The following FRYL variants were observed in gnomAD, a reference collection of about 807,000 sequenced individuals.
FRYL encodes the protein FRY like transcription coactivator.
In FRYL, 150 loss-of-function variants were observed where a neutral mutation model predicts 351.2. That is an observed-to-expected ratio of 0.43 (90% CI 0.37 to 0.49). The LOEUF is 0.49. FRYL is among the 20% of genes least tolerant of loss of function. The pLI, the probability that FRYL is intolerant of heterozygous loss-of-function variation, is 0.00. For synonymous variants in FRYL, 1,153 were observed against 1,257.1 expected (o/e 0.92, Z 1.75); for missense variants, 3,036 against 3,619.3 (o/e 0.84, Z 4.13).
Position 48,620,641 on chromosome 4 carries a change from C to G in FRYL, c.312G>C (p.Lys104Asn), listed in dbSNP as rs1208515892. The G allele has an allele frequency of 6.2e-7, 1 of 1,612,412 alleles. No homozygotes were observed. ...EYRPRSSTKS[K>N]GDEQQRERDY... is the part of the protein sequence containing the mutation. ...ACAGTGTAAAATAAAGCACTTACCC[C>G]TTAGACTTTGTGCTAGACCGAGGCC... The change falls in exon 6 of 64, where the codon AAG becomes AAC. Residue 104 changes from lysine (K) to asparagine (N), a missense_variant and splice_region_variant. Lys to Asn is a moderately conservative substitution (Grantham distance 94). This residue lies in a region of FRYL where 457 missense variants were observed against 566.6 expected (regional missense o/e 0.81). Transcript: ENST00000358350.
At chr4:48,741,534 T>C (rs1772070634) in intron 1 of FRYL, among the ~76,000 whole-genome samples, 1 of 151,918 alleles carries the variant, frequency 6.6e-6, no homozygotes, top group Non-Finnish European at 1.5e-5. Context: ...AGAGGGATTC[T>C]GTCTGAAAAA....
intron 7 of FRYL, among the ~76,000 whole-genome samples, chr4:48,610,723 A>G (rs1560710934): frequency 7.4e-6 from 1 of 134,304 alleles, no homozygotes. Context: ...TTATATACAT[A>G]TATTATATAC....
At chr4:48,635,979 C>CCA (rs1335848251) in intron 3 of FRYL, among the ~76,000 whole-genome samples, 1 of 152,082 alleles carries the variant, frequency 6.6e-6, no homozygotes, top group Non-Finnish European at 1.5e-5. Flanking sequence ...ACTTGCTCTA[C>CCA]CACACATAGG....
At chr4:48,778,846 C>T (rs1206101643) in intron 1 of FRYL, among the ~76,000 whole-genome samples, 1 of 151,980 alleles carries the variant, frequency 6.6e-6, no homozygotes, top group Non-Finnish European at 1.5e-5. Flanking sequence ...CCCAATCCGA[C>T]AGACCCTGGC....
intron 7 of FRYL, among the ~76,000 whole-genome samples, chr4:48,610,683 T>C (rs1747926566): frequency 6.8e-6 from 1 of 146,308 alleles, no homozygotes; most frequent in Non-Finnish European, 1.5e-5. Context: ...TTATATTATA[T>C]ATTATATACA....
chr4:48,701,475 G>A (rs1259829750), intron 2 of FRYL, among the ~76,000 whole-genome samples: 1 of 152,082 alleles, frequency 6.6e-6, no homozygotes, highest in East Asian at 1.9e-4. Flanking sequence ...GAAAAAGAAG[G>A]GAGTGAAGGA....
intron 3 of FRYL, among the ~76,000 whole-genome samples, chr4:48,675,724 C>T (rs1471303912): frequency 6.6e-6 from 1 of 152,214 alleles, no homozygotes; most frequent in African/African-American, 2.4e-5. Context: ...CTGAGGAGTG[C>T]GAGTGCACAG....
chr4:48,705,971 G>A (rs909581561), intron 2 of FRYL, among the ~76,000 whole-genome samples: 6 of 152,086 alleles, frequency 3.9e-5, no homozygotes, highest in African/African-American at 1.2e-4. Flanking sequence ...TGAGTAGCTG[G>A]AACTACAGGC....
intron 18 of FRYL, among the ~76,000 whole-genome samples, chr4:48,588,666 T>A (rs780206029): frequency 1.3e-5 from 2 of 152,218 alleles, no homozygotes; most frequent in African/African-American, 4.8e-5. Flanking sequence ...AAAAAAGGCA[T>A]TGGCCCATGG....
At chr4:48,766,088 A>T (rs1426516736) in intron 1 of FRYL, among the ~76,000 whole-genome samples, 4 of 152,218 alleles carry the variant, frequency 2.6e-5, no homozygotes, top group Admixed American at 6.5e-5. Context: ...TCAAAAAATT[A>T]AAAATATAAC....
At chr4:48,709,956 T>C (rs1343800813) in intron 2 of FRYL, among the ~76,000 whole-genome samples, 1 of 152,152 alleles carries the variant, frequency 6.6e-6, no homozygotes, top group Non-Finnish European at 1.5e-5. Flanking sequence ...CTTTTAAAGG[T>C]CTCCCATTTC....
chr4:48,621,245 T>A (rs1202384226), intron 5 of FRYL, among the ~76,000 whole-genome samples: 1 of 152,228 alleles, frequency 6.6e-6, no homozygotes, highest in East Asian at 1.9e-4. Flanking sequence ...TCCAATTTAC[T>A]ATGCTATGAC....
At chr4:48,703,306 C>G (rs1766966829) in intron 2 of FRYL, among the ~76,000 whole-genome samples, 1 of 152,140 alleles carries the variant, frequency 6.6e-6, no homozygotes, top group Admixed American at 6.5e-5. Context: ...TGAATTAGAA[C>G]TGAAAGAATT....
At position 48,536,802 on chromosome 4, in the gene FRYL, T is replaced by C. The variant is rs1006023236; in HGVS notation, c.6394-975A>G. Among the ~76,000 whole-genome samples the C allele has an allele frequency of 3.9e-5, 6 of 152,230 alleles. No homozygotes were observed. In the East Asian group the frequency reaches 9.6e-4, roughly 24 times the overall value. ...GGTAAAGAAACTGTCCTTTTAAATATATACATCTTCAACTTTCAAATGAAT... is the reference window on the plus strand; with the variant it reads ...GGTAAAGAAACTGTCCTTTTAAATACATACATCTTCAACTTTCAAATGAAT... On this transcript the variant is annotated intron_variant, in intron 47 of 63. Coordinates refer to ENST00000358350, the MANE Select transcript of FRYL (RefSeq NM_015030.2).
chr4:48,626,981 T>C (rs1186664202), intron 4 of FRYL, among the ~76,000 whole-genome samples: 1 of 152,148 alleles, frequency 6.6e-6, no homozygotes, highest in Non-Finnish European at 1.5e-5. Context: ...GGGTTAAGCA[T>C]ATTTGGTCAA....
chr4:48,655,881 GTATATAATGTATAATTCTATGTACATTA>G (rs2149448770), intron 3 of FRYL, among the ~76,000 whole-genome samples: 1 of 137,960 alleles, frequency 7.2e-6, no homozygotes, highest in African/African-American at 2.6e-5. Flanking sequence ...ACACATACAT[GTATATAATGTATAATTCTATGTACATTA>G]TATATAATGT....
At chr4:48,706,752 C>T (rs1767404740) in intron 2 of FRYL, among the ~76,000 whole-genome samples, 1 of 151,964 alleles carries the variant, frequency 6.6e-6, no homozygotes, top group Non-Finnish European at 1.5e-5. Context: ...TCTTGGATGC[C>T]CTCTCTCCCT....
intron 1 of FRYL, among the ~76,000 whole-genome samples, chr4:48,776,718 T>C (rs1428758553): frequency 6.6e-6 from 1 of 152,232 alleles, no homozygotes; most frequent in Non-Finnish European, 1.5e-5. Context: ...CCTGTCACTA[T>C]GTAACAATAG....
chr4:48,725,538 G>A (rs1769980420), intron 1 of FRYL, among the ~76,000 whole-genome samples: 1 of 152,134 alleles, frequency 6.6e-6, no homozygotes, highest in Admixed American at 6.5e-5. Context: ...GTTTTAAATA[G>A]CACATCATTC....
Sources: gnomAD v4.1 joint callset for allele counts (sites outside exome capture counted in the v4.1 genomes callset) on GRCh38, gnomAD v4.1.1 for gene constraint, gnomAD v4.1.1 regional missense constraint, MANE v1.5 for transcripts, NCBI Gene and HGNC (gene_info 2026-07-23, HGNC 2026-07-21) for gene names.